CCDC73: variants seen among roughly 807,000 people sequenced by gnomAD.
The protein encoded by CCDC73 is coiled-coil domain-containing protein 73.
In CCDC73, 95 loss-of-function variants were observed where a neutral mutation model predicts 116.5. That is an observed-to-expected ratio of 0.82 (90% confidence interval 0.69 to 0.97). The LOEUF is 0.97. Among genes scored for constraint, CCDC73 ranks in the 50% least tolerant of loss-of-function variants. CCDC73 has a pLI of 0.00. For synonymous variants in CCDC73, 398 were observed against 401.3 expected, an observed-to-expected ratio of 0.99 and a Z score of 0.10; for missense variants, 1,066 against 1,206.8, an observed-to-expected ratio of 0.88 and a Z score of 1.73.
chr11:32,644,799 C>T (rs1416398118), intron 12 of CCDC73, among the ~76,000 whole-genome samples: 1 of 152,166 alleles, frequency 6.6e-6, no homozygotes, highest in Non-Finnish European at 1.5e-5. Flanking sequence ...TTCTGTCTCT[C>T]TAATTGTGGC....
At chr11:32,711,297 C>A (rs1849898039) in intron 3 of CCDC73, among the ~76,000 whole-genome samples, 2 of 152,058 alleles carry the variant, frequency 1.3e-5, no homozygotes, top group South Asian at 4.1e-4. Flanking sequence ...TAGGTTTCAA[C>A]CCAGAGGAAA....
chr11:32,809,592 C>T, the CCDC73 span, among the ~76,000 whole-genome samples: 5 of 152,164 alleles, frequency 3.3e-5, no homozygotes, highest in African/African-American at 1.2e-4. Context: ...GAAACATCCC[C>T]GCTCTTTGGT....
intron 14 of CCDC73, among the ~76,000 whole-genome samples, chr11:32,621,360 A>T (rs1338226827): frequency 1.3e-5 from 2 of 152,196 alleles, no homozygotes; most frequent in African/African-American, 4.8e-5. Context: ...GAGCTCAGAA[A>T]TAAGACCACA....
intron 14 of CCDC73, among the ~76,000 whole-genome samples, chr11:32,616,543 G>A (rs971572720): frequency 1.3e-5 from 2 of 152,114 alleles, no homozygotes; most frequent in South Asian, 2.1e-4. Flanking sequence ...TCACAGGTGC[G>A]ATCATAGTGC....
chr11:32,763,581 C>G lies in CCDC73; in HGVS notation c.-15-3323G>C, dbSNP rs926744695. ...GACTGTTAGAAGGAAAACTAACAAA[C>G]AGAAAGGACATCCACACCAAAACCC... On this transcript the variant is annotated intron_variant, in intron 1 of 17. Transcript: ENST00000335185. Among the ~76,000 whole-genome samples, 14 of 152,258 alleles carry G rather than the reference C, an allele frequency of 9.2e-5. No individual in the cohort carries two copies. The South Asian group carries it at 2.3e-3, about 25-fold the overall frequency.
intron 2 of CCDC73, among the ~76,000 whole-genome samples, chr11:32,731,074 C>A (rs2200524): frequency 6.6e-6 from 1 of 152,058 alleles, no homozygotes; most frequent in Non-Finnish European, 1.5e-5. Flanking sequence ...CACTCCCACC[C>A]TAATACTGCA....
chr11:32,800,559 C>T, the CCDC73 span, among the ~76,000 whole-genome samples: 1 of 152,104 alleles, frequency 6.6e-6, no homozygotes, highest in Non-Finnish European at 1.5e-5. Context: ...ATAAAACAAA[C>T]TCAACATATG....
At chr11:32,665,612 A>G (rs1855973475) in intron 9 of CCDC73, among the ~76,000 whole-genome samples, 1 of 152,128 alleles carries the variant, frequency 6.6e-6, no homozygotes, top group African/African-American at 2.4e-5. Flanking sequence ...CTCTTTATCC[A>G]ATTTGCCAGT....
chr11:32,780,831 G>T (rs1850577000), intron 1 of CCDC73, among the ~76,000 whole-genome samples: 2 of 152,190 alleles, frequency 1.3e-5, no homozygotes, highest in African/African-American at 4.8e-5. Flanking sequence ...TAAGTAACTT[G>T]CCCAAGGATA....
In CCDC73 at chr11:32,613,623, G is replaced by C. The variant is rs1338682350; in HGVS notation, c.2695C>G (p.Pro899Ala). The change falls in exon 16 of 18, where the codon CCA (proline) becomes GCA (alanine). Residue 899 changes from proline (P) to alanine (A), a missense_variant. Pro to Ala is a conservative substitution (Grantham distance 27). Transcript: ENST00000335185. The stretch of plus-strand genomic sequence containing the variant: ...GGGTCTGAAAAATTCATGTATACTG[G>C]AGTTTTCTCAGTTTTTTTATCTGAA... ...STSDKKTEKT[P>A]VYMNFSDPGP... 2 of 1,613,844 alleles carry C rather than the reference G, an allele frequency of 1.2e-6. No homozygotes were observed. Among genetic ancestry groups the C allele is most frequent in the Non-Finnish European group, 1.7e-6 (2 of 1,179,950 alleles).
intron 17 of CCDC73, among the ~76,000 whole-genome samples, chr11:32,607,347 C>T (rs1314920177): frequency 6.6e-6 from 1 of 150,516 alleles, no homozygotes; most frequent in Non-Finnish European, 1.5e-5. Context: ...CCGCCTCGGC[C>T]TCCCAAAGTG....
intron 17 of CCDC73, among the ~76,000 whole-genome samples, chr11:32,608,038 C>G (rs578070550): frequency 1.8e-4 from 28 of 152,064 alleles, no homozygotes; most frequent in African/African-American, 6.3e-4. Flanking sequence ...CCCCACGATT[C>G]TATTACCTCC....
chr11:32,758,350 A>G, intron 2 of CCDC73: 2 of 506,762 alleles, frequency 3.9e-6, no homozygotes. Flanking sequence ...ACCCCTGGTA[A>G]TAGAATTGTT....
the CCDC73 span, among the ~76,000 whole-genome samples, chr11:32,817,755 C>T: frequency 3.3e-5 from 5 of 152,214 alleles, no homozygotes; most frequent in Non-Finnish European, 5.9e-5. Context: ...TTTAAGACTC[C>T]ACTTTCCCTA....
chr11:32,651,001 G>C (rs570001775), intron 12 of CCDC73, among the ~76,000 whole-genome samples: 2 of 152,158 alleles, frequency 1.3e-5, no homozygotes, highest in African/African-American at 4.8e-5. Flanking sequence ...TGATCCCCTA[G>C]GCTTGGGGAT....
At chr11:32,649,544 A>C (rs528923672) in intron 12 of CCDC73, among the ~76,000 whole-genome samples, 4 of 152,334 alleles carry the variant, frequency 2.6e-5, no homozygotes, top group African/African-American at 4.8e-5. Context: ...CTTTTAGTAC[A>C]GGTAGAATGA....
At chr11:32,772,885 C>T (rs1032715815) in intron 1 of CCDC73, among the ~76,000 whole-genome samples, 1 of 152,092 alleles carries the variant, frequency 6.6e-6, no homozygotes, top group African/African-American at 2.4e-5. Context: ...CAGAAAACAG[C>T]CCAGGTAGTT....
At chr11:32,694,872 T>C (rs1376116921) in intron 6 of CCDC73, among the ~76,000 whole-genome samples, 1 of 152,154 alleles carries the variant, frequency 6.6e-6, no homozygotes, top group Non-Finnish European at 1.5e-5. Context: ...CTGGATTTAA[T>C]GTCAGAAGTC....
At chr11:32,764,867 C>T (rs1850426476) in intron 1 of CCDC73, among the ~76,000 whole-genome samples, 1 of 152,010 alleles carries the variant, frequency 6.6e-6, no homozygotes, top group Admixed American at 6.6e-5. Flanking sequence ...TTCAGGAGAC[C>T]CATCTCATGT....
Sources: allele counts gnomAD v4.1 joint callset (sites outside exome capture counted in the v4.1 genomes callset), GRCh38; gene constraint gnomAD v4.1.1; transcripts MANE v1.5; gene names NCBI Gene and HGNC (gene_info 2026-07-23, HGNC 2026-07-21).